CCDC102B: variants seen among roughly 807,000 people sequenced by gnomAD.
The protein encoded by CCDC102B is coiled-coil domain-containing protein 102B.
Under a neutral mutation model 57.4 loss-of-function variants are expected in CCDC102B, and 75 were observed. That is an observed-to-expected ratio of 1.31 (90% CI 1.08 to 1.58). The LOEUF (loss-of-function observed/expected upper bound fraction) is 1.58. CCDC102B is among the 40% of genes most tolerant of loss of function. The pLI, the probability that CCDC102B is intolerant of heterozygous loss-of-function variation, is 0.00. For missense variants in CCDC102B, 636 were observed against 582.6 expected (o/e 1.09, Z -0.94); for synonymous variants, 206 against 201.9 (o/e 1.02, Z -0.17).
At chr18:69,052,678 C>T (rs1254024054) in intron 7 of CCDC102B, among the ~76,000 whole-genome samples, 1 of 151,772 alleles carries the variant, frequency 6.6e-6, no homozygotes, top group East Asian at 1.9e-4. Context: ...TGTATGCATC[C>T]ATTATTAACC....
intron 2 of CCDC102B, among the ~76,000 whole-genome samples, chr18:68,779,688 A>T (rs1035562440): frequency 6.6e-6 from 1 of 152,046 alleles, no homozygotes; most frequent in Non-Finnish European, 1.5e-5. Flanking sequence ...TCATGCAGTG[A>T]GGAAAGGAAA....
intron 5 of CCDC102B, among the ~76,000 whole-genome samples, chr18:68,883,992 A>G (rs919895000): frequency 6.6e-6 from 1 of 152,216 alleles, no homozygotes; most frequent in African/African-American, 2.4e-5. Context: ...TTTAAAAACT[A>G]GAAAAGTATC....
chr18:69,045,082 T>G (rs1305046277), intron 7 of CCDC102B, among the ~76,000 whole-genome samples: 3 of 152,060 alleles, frequency 2.0e-5, no homozygotes, highest in African/African-American at 4.8e-5. Flanking sequence ...AGGGCCCCAC[T>G]CTTACAACTT....
intron 6 of CCDC102B, among the ~76,000 whole-genome samples, chr18:68,928,393 G>A (rs1401902924): frequency 6.6e-6 from 1 of 151,918 alleles, no homozygotes; most frequent in East Asian, 1.9e-4. Flanking sequence ...GATAATTAGA[G>A]AGGCAGAGCT....
chr18:68,863,088 G>A (rs1412306471), intron 4 of CCDC102B, among the ~76,000 whole-genome samples: 1 of 151,344 alleles, frequency 6.6e-6, no homozygotes, highest in Non-Finnish European at 1.5e-5. Flanking sequence ...AATTTACTAA[G>A]AAATACGATT....
At chr18:68,821,372 A>C (rs991880794) in intron 1 of CCDC102B, among the ~76,000 whole-genome samples, 7 of 151,106 alleles carry the variant, frequency 4.6e-5, no homozygotes, top group Non-Finnish European at 1.0e-4. Context: ...AAATTTTAAA[A>C]ATTAATTTTA....
chr18:68,773,853 C>T (rs2034723507), intron 2 of CCDC102B, among the ~76,000 whole-genome samples: 1 of 151,904 alleles, frequency 6.6e-6, no homozygotes, highest in Non-Finnish European at 1.5e-5. Context: ...ATAATAACAC[C>T]ATGAAATAGT....
intron 3 of CCDC102B, 50 bp downstream of exon 3, chr18:68,838,976 T>A (rs1371217228): frequency 1.5e-6 from 2 of 1,367,800 alleles, no homozygotes; most frequent in Non-Finnish European, 2.1e-6. Flanking sequence ...TTCAAATCAC[T>A]TAAAATTGTT....
intron 6 of CCDC102B, among the ~76,000 whole-genome samples, chr18:68,925,022 C>T (rs986651346): frequency 6.6e-6 from 1 of 151,914 alleles, no homozygotes; most frequent in African/African-American, 2.4e-5. Flanking sequence ...CAAACCACAC[C>T]TTAGGGGCTA....
At chr18:68,990,283 G>T (rs536818121) in intron 6 of CCDC102B, among the ~76,000 whole-genome samples, 1 of 152,194 alleles carries the variant, frequency 6.6e-6, no homozygotes, top group African/African-American at 2.4e-5. Context: ...GCAGGGAGGA[G>T]CCAAATAACA....
chr18:69,014,744 G>C (rs1397334712), intron 7 of CCDC102B, among the ~76,000 whole-genome samples: 1 of 151,634 alleles, frequency 6.6e-6, no homozygotes, highest in African/African-American at 2.4e-5. Flanking sequence ...TATTTGAAGG[G>C]AAAAAATAGC....
In CCDC102B at chr18:68,767,965, A is replaced by AGTTG. The variant is rs529839902; in HGVS notation, c.-67+51371_-67+51372insGTTG. On this transcript the variant is annotated intron_variant, in intron 2 of 3. Coordinates refer to the CCDC102B transcript ENST00000578970. ...ATATATAGTTTAAGAATAAAATATA[A>AGTTG]AAATGATAGTAGTTGAAACATTTAT... 4.2e-3 allele frequency among the ~76,000 whole-genome samples: 637 copies of AGTTG among 152,276 alleles called. 8 individuals carry two copies. Among genetic ancestry groups the AGTTG allele is most frequent in the African/African-American group, 0.015 (606 of 41,570 alleles).
intron 6 of CCDC102B, among the ~76,000 whole-genome samples, chr18:68,932,810 G>T (rs1044921803): frequency 6.6e-6 from 1 of 151,758 alleles, no homozygotes; most frequent in Non-Finnish European, 1.5e-5. Flanking sequence ...AGCTTCTTTA[G>T]TGCAGCTTTA....
chr18:68,903,798 C>T (rs958737663), intron 6 of CCDC102B, among the ~76,000 whole-genome samples: 11 of 152,158 alleles, frequency 7.2e-5, no homozygotes, highest in African/African-American at 2.7e-4. Context: ...CATAATGGAT[C>T]GCTTTCAGAA....
At chr18:68,730,262 T>C (rs2032797743) in intron 2 of CCDC102B, among the ~76,000 whole-genome samples, 2 of 152,198 alleles carry the variant, frequency 1.3e-5, no homozygotes, top group Admixed American at 1.3e-4. Context: ...CTCTTATCCA[T>C]TAAAAATATA....
intron 6 of CCDC102B, among the ~76,000 whole-genome samples, chr18:68,962,226 T>G (rs2050063484): frequency 6.6e-6 from 1 of 152,134 alleles, no homozygotes; most frequent in South Asian, 2.1e-4. Context: ...AGAGCATTGC[T>G]TCATTTACTC....
At chr18:68,827,041 G>GA (rs1370936916) in intron 1 of CCDC102B, among the ~76,000 whole-genome samples, 4 of 150,430 alleles carry the variant, frequency 2.7e-5, no homozygotes, top group Non-Finnish European at 4.4e-5. Flanking sequence ...TTTAAGTGTT[G>GA]AAAAAAAAAT....
chr18:68,868,360 A>G (rs982588343), intron 4 of CCDC102B, among the ~76,000 whole-genome samples: 1 of 152,092 alleles, frequency 6.6e-6, no homozygotes, highest in African/African-American at 2.4e-5. Context: ...AATTCACTGT[A>G]TTTTCTACCA....
chr18:68,906,029 G>C (rs951560246), intron 6 of CCDC102B, among the ~76,000 whole-genome samples: 2 of 151,840 alleles, frequency 1.3e-5, no homozygotes, highest in African/African-American at 2.4e-5. Context: ...GCCTGACCTC[G>C]TGATCCACCT....
Sources: allele counts gnomAD v4.1 joint callset (sites outside exome capture counted in the v4.1 genomes callset), GRCh38; gene constraint gnomAD v4.1.1; transcripts MANE v1.5; gene names NCBI Gene and HGNC (gene_info 2026-07-23, HGNC 2026-07-21).